TEX36: variants seen among roughly 807,000 people sequenced by gnomAD.
TEX36 encodes testis expressed 36, also known as testis-expressed protein 36.
TEX36 carries 12 observed loss-of-function variants against 13.6 expected under a neutral mutation model. The observed-to-expected ratio is 0.88, with a 90% CI of 0.56 to 1.43. TEX36 has a LOEUF of 1.43. Among genes scored for constraint, TEX36 ranks in the 40% most tolerant of loss-of-function variants. The probability of loss-of-function intolerance (pLI) is 0.00; values close to 1 mark genes in which losing one functional copy is unlikely to be tolerated. For synonymous variants in TEX36, 93 were observed against 83.0 expected, an observed-to-expected ratio of 1.12 and a Z score of -0.65; for missense variants, 224 against 228.3, an observed-to-expected ratio of 0.98 and a Z score of 0.12.
chr10:125,586,295 G>A (rs1238451792), intron 3 of TEX36, among the ~76,000 whole-genome samples: 2 of 152,122 alleles, frequency 1.3e-5, no homozygotes, highest in Non-Finnish European at 2.9e-5. Flanking sequence ...TAGTGTAAAT[G>A]CCTAGAAGTA....
intron 1 of TEX36, among the ~76,000 whole-genome samples, chr10:125,671,598 T>A (rs909966497): frequency 6.6e-6 from 1 of 152,226 alleles, no homozygotes; most frequent in Non-Finnish European, 1.5e-5. Flanking sequence ...TTTTCTTTTT[T>A]TATTGTGTCT....
intron 3 of TEX36, among the ~76,000 whole-genome samples, chr10:125,577,707 T>C (rs557431737): frequency 6.6e-6 from 1 of 152,184 alleles, no homozygotes; most frequent in Non-Finnish European, 1.5e-5. Context: ...GTATAGACAA[T>C]TTTGCATCCT....
At position 125,655,971 on chromosome 10, in the gene TEX36, C is replaced by G; in HGVS notation, c.490G>C (p.Glu164Gln). Residue 164 changes from glutamate to glutamine, a missense_variant, in exon 4 of 4, where the codon GAG becomes CAG. Physicochemically the swap from Glu to Gln is conservative, Grantham distance 29 (BLOSUM62 2). Coordinates refer to ENST00000368821, the MANE Select transcript of TEX36 (RefSeq NM_001128202.3). ...FTFLPERSYT[E>Q]VLKKKPKVRF... ...ACTTTGGGCTTCTTTTTCAAAACCT[C>G]TGTATAGCTTCTCTCAGGAAGAAAT... 6.4e-7 allele frequency: 1 copy of G among 1,551,540 alleles called. No individual in the cohort carries two copies. Among genetic ancestry groups the G allele is most frequent in the East Asian group, 2.4e-5 (1 of 40,912 alleles).
chr10:125,585,191 T>C (rs552805910), intron 3 of TEX36, among the ~76,000 whole-genome samples: 89 of 152,102 alleles, frequency 5.9e-4, no homozygotes, highest in Non-Finnish European at 6.0e-4. Context: ...AGGTCAGTCA[T>C]CCCCTGGCTT....
chr10:125,662,088 A>G (rs1847054709), intron 1 of TEX36, 111 bp from the exon 2 acceptor site: 18 of 1,377,258 alleles, frequency 1.3e-5, no homozygotes, highest in Non-Finnish European at 1.8e-5. Context: ...TGCTTTTGGC[A>G]TGCAATGGAA....
At chr10:125,610,424 A>G (rs1846275009) in intron 3 of TEX36, among the ~76,000 whole-genome samples, 1 of 152,152 alleles carries the variant, frequency 6.6e-6, no homozygotes, top group African/African-American at 2.4e-5. Context: ...GGAGCAGGGC[A>G]TAAACTGCAC....
At chr10:125,637,985 G>A (rs1846640597) in intron 3 of TEX36, among the ~76,000 whole-genome samples, 1 of 151,702 alleles carries the variant, frequency 6.6e-6, no homozygotes, top group Non-Finnish European at 1.5e-5. Context: ...CCCTTGAAAT[G>A]ATCATGCCAC....
downstream of TEX36, among the ~76,000 whole-genome samples, chr10:125,654,088 A>G (rs1846905410): frequency 6.6e-6 from 1 of 152,204 alleles, no homozygotes; most frequent in Non-Finnish European, 1.5e-5. Flanking sequence ...AAATGACATA[A>G]AAGAATTATC....
At chr10:125,637,170 G>A (rs930618296) in intron 3 of TEX36, among the ~76,000 whole-genome samples, 13 of 151,946 alleles carry the variant, frequency 8.6e-5, no homozygotes, top group Admixed American at 3.9e-4. Flanking sequence ...TTAGTCTGGC[G>A]TGGTGGTAGA....
Position 125,655,976 on chromosome 10 carries a change from T to G in TEX36, c.485A>C (p.Tyr162Ser), listed in dbSNP as rs1189693046. ...GGGCTTCTTTTTCAAAACCTCTGTA[T>G]AGCTTCTCTCAGGAAGAAATGTAAA... ...NAFTFLPERS[Y>S]TEVLKKKPKV... The change falls in exon 4 of 4, where the codon TAT (tyrosine) becomes TCT (serine). Residue 162 changes from tyrosine to serine, a missense_variant. Transcript: ENST00000368821. 6.4e-7 allele frequency: 1 copy of G among 1,551,620 alleles called. No individual in the cohort carries two copies.
chr10:125,652,655 G>C (rs1028260013), downstream of TEX36, among the ~76,000 whole-genome samples: 2 of 152,104 alleles, frequency 1.3e-5, no homozygotes, highest in African/African-American at 4.8e-5. Context: ...TCAAACTAAA[G>C]AGCTTCTGCA....
intron 3 of TEX36, among the ~76,000 whole-genome samples, chr10:125,608,981 A>AC (rs1218765744): frequency 7.0e-6 from 1 of 143,002 alleles, no homozygotes; most frequent in African/African-American, 2.8e-5. Context: ...CTAAAAAAAA[A>AC]AAAAAAAAAA....
intron 3 of TEX36, among the ~76,000 whole-genome samples, chr10:125,649,385 C>A (rs966902678): frequency 6.6e-6 from 1 of 152,212 alleles, no homozygotes; most frequent in Non-Finnish European, 1.5e-5. Context: ...CACATAATTT[C>A]ACATCCAGCC....
At chr10:125,586,580 G>A (rs112186059) in intron 3 of TEX36, among the ~76,000 whole-genome samples, 4,131 of 149,194 alleles carry the variant, frequency 0.028, 180 homozygotes, top group African/African-American at 0.095. Context: ...GCTTGAGCCC[G>A]GGAGTTCGAG....
At chr10:125,576,867 A>G in exon 4 of TEX36, 1 of 1,536,128 alleles carries the variant, frequency 6.5e-7, no homozygotes, top group Non-Finnish European at 8.7e-7. Context: ...CGTTGCTGTC[A>G]TTCTTTCCTG....
At chr10:125,661,538 C>T (rs1847042701) in intron 2 of TEX36, among the ~76,000 whole-genome samples, 1 of 152,154 alleles carries the variant, frequency 6.6e-6, no homozygotes, top group Non-Finnish European at 1.5e-5. Context: ...CTTTGTGCCA[C>T]TGCAGGGCCT....
At chr10:125,608,215 C>A (rs567002731) in intron 3 of TEX36, among the ~76,000 whole-genome samples, 3 of 152,230 alleles carry the variant, frequency 2.0e-5, no homozygotes, top group Admixed American at 2.0e-4. Flanking sequence ...GTATGTGAAA[C>A]CACCCCAAAG....
intron 1 of TEX36, among the ~76,000 whole-genome samples, chr10:125,670,439 G>T (rs1009602066): frequency 6.6e-5 from 10 of 151,750 alleles, no homozygotes; most frequent in Admixed American, 6.6e-5. Context: ...TTTTAATGGG[G>T]TTTTTTTCTT....
chr10:125,655,457 A>T (rs1037764341), downstream of TEX36, among the ~76,000 whole-genome samples: 1 of 152,176 alleles, frequency 6.6e-6, no homozygotes, highest in Non-Finnish European at 1.5e-5. Context: ...ATTAAAAAAA[A>T]GTTGTAGAAT....
Sources: allele counts gnomAD v4.1 joint callset (sites outside exome capture counted in the v4.1 genomes callset), GRCh38; gene constraint gnomAD v4.1.1; transcripts MANE v1.5; gene names NCBI Gene and HGNC (gene_info 2026-07-23, HGNC 2026-07-21).